Variants in STK39 observed in about 807,000 individuals in gnomAD.
The protein encoded by STK39 is serine/threonine kinase 39.
A neutral mutation model predicts 77.8 loss-of-function variants in STK39; 20 were observed. That is an observed-to-expected ratio of 0.26 (90% CI 0.18 to 0.37). The LOEUF is 0.37. STK39 is among the 10% of genes least tolerant of loss of function. STK39 has a pLI of 1.00. For missense variants in STK39, 479 were observed against 656.5 expected, an observed-to-expected ratio of 0.73 and a Z score of 2.95; for synonymous variants, 246 against 234.1, an observed-to-expected ratio of 1.05 and a Z score of -0.47.
chr2:168,166,916 C>T (rs1174365572), intron 3 of STK39, among the ~76,000 whole-genome samples: 4 of 151,968 alleles, frequency 2.6e-5, no homozygotes, highest in South Asian at 2.1e-4. Context: ...GAAGAGTAAG[C>T]GGTGACTGTG....
intron 16 of STK39, among the ~76,000 whole-genome samples, chr2:167,973,208 A>T (rs1692399100): frequency 2.0e-5 from 3 of 152,210 alleles, no homozygotes; most frequent in Admixed American, 2.0e-4. Context: ...TCTTTGGGAA[A>T]TAAAAACAGC....
In STK39 at chr2:168,116,020, C is replaced by A. The variant is rs140976065; in HGVS notation, c.1089+13521G>T. On this transcript the variant is annotated intron_variant, in intron 10 of 17. Transcript: ENST00000355999. ...GGAGCTCAGCTGCCACTCAAGGTTACCCCATGAGTGGGTCGTAGAGCCAGG... is the reference window on the plus strand; with the variant it reads ...GGAGCTCAGCTGCCACTCAAGGTTAACCCATGAGTGGGTCGTAGAGCCAGG... Among the ~76,000 whole-genome samples the A allele has an allele frequency of 8.7e-3, 1,320 of 152,306 alleles. 12 individuals are homozygous for A. The highest frequency in any genetic ancestry group is 0.044 in the Middle Eastern group (13 of 294).
intron 8 of STK39, among the ~76,000 whole-genome samples, chr2:168,130,845 G>T (rs1687677188): frequency 6.6e-6 from 1 of 152,202 alleles, no homozygotes; most frequent in African/African-American, 2.4e-5. Flanking sequence ...GTATAGGGTT[G>T]CTCAGCAAGA....
At chr2:167,963,971 A>G (rs999961610) in intron 17 of STK39, among the ~76,000 whole-genome samples, 1 of 152,314 alleles carries the variant, frequency 6.6e-6, no homozygotes, top group Admixed American at 6.5e-5. Flanking sequence ...CTGTTCGCTA[A>G]AATTTTTTGG....
At chr2:168,246,391 T>C (rs1480573628) in intron 1 of STK39, among the ~76,000 whole-genome samples, 1 of 151,962 alleles carries the variant, frequency 6.6e-6, no homozygotes, top group East Asian at 1.9e-4. Context: ...TAAGATAAGG[T>C]GATATTTGTG....
intron 1 of STK39, among the ~76,000 whole-genome samples, chr2:168,236,692 T>C (rs1193921431): frequency 2.6e-5 from 4 of 152,236 alleles, no homozygotes; most frequent in African/African-American, 9.6e-5. Context: ...CCAGTACCAT[T>C]TATTAAATAG....
intron 14 of STK39, among the ~76,000 whole-genome samples, chr2:168,031,134 G>A (rs1684823250): frequency 6.6e-6 from 1 of 152,196 alleles, no homozygotes; most frequent in Non-Finnish European, 1.5e-5. Flanking sequence ...GAAGAGCGGA[G>A]TGGGTGCCTG....
In STK39 at chr2:168,147,704, A is replaced by G. The variant is rs141919154; in HGVS notation, c.629-6946T>C. ...AGTGAGAGCTAACATGGGGGAATAT[A>G]TTAACTAAAATAGAATGACTATGAC... On this transcript the variant is annotated intron_variant, in intron 5 of 17. Coordinates refer to ENST00000355999, the MANE Select transcript of STK39 (RefSeq NM_013233.3). 6.8e-3 allele frequency among the ~76,000 whole-genome samples: 1,035 copies of G among 152,286 alleles called. 14 individuals are homozygous for G. Among genetic ancestry groups the G allele is most frequent in the South Asian group, 0.036 (175 of 4,816 alleles).
At chr2:168,150,219 T>G (rs1246864371) in intron 5 of STK39, among the ~76,000 whole-genome samples, 1 of 152,178 alleles carries the variant, frequency 6.6e-6, no homozygotes, top group Non-Finnish European at 1.5e-5. Context: ...CTCTTTCACC[T>G]CTCAGATGAA....
At chr2:168,083,271 A>G (rs1686286262) in intron 10 of STK39, among the ~76,000 whole-genome samples, 1 of 146,268 alleles carries the variant, frequency 6.8e-6, no homozygotes, top group Admixed American at 6.9e-5. Context: ...TGTCGATCCA[A>G]TTGGAATTTT....
chr2:168,011,479 A>G (rs1684269905), intron 16 of STK39, among the ~76,000 whole-genome samples: 1 of 152,166 alleles, frequency 6.6e-6, no homozygotes, highest in East Asian at 1.9e-4. Context: ...ATGCTAACTA[A>G]TCTTGATTAG....
chr2:167,999,584 C>T (rs1038382989), intron 16 of STK39, among the ~76,000 whole-genome samples: 2 of 152,044 alleles, frequency 1.3e-5, no homozygotes, highest in Non-Finnish European at 2.9e-5. Context: ...GACTCAGCCT[C>T]CCGAGTAGCT....
intron 10 of STK39, among the ~76,000 whole-genome samples, chr2:168,099,768 C>T (rs1686771998): frequency 1.3e-5 from 2 of 152,064 alleles, no homozygotes; most frequent in Admixed American, 6.6e-5. Flanking sequence ...TTGGCAATGC[C>T]CATGTGCAGT....
intron 16 of STK39, among the ~76,000 whole-genome samples, chr2:168,012,088 T>C (rs190272863): frequency 1.3e-4 from 20 of 152,324 alleles, no homozygotes; most frequent in African/African-American, 4.8e-4. Flanking sequence ...AAGTTCTTTG[T>C]TATATTTCCA....
chr2:168,129,572 C>T lies in STK39; in HGVS notation c.1058G>A (p.Arg353Lys), dbSNP rs1193531417. ...GGCTCTTTGGGCTATGTCTGGTGTT[C>T]TTGTAAGCAGCTTCTCAATCAGGTA... ...REYLIEKLLTRTPDIAQRAKK... is the reference protein window; with the variant it reads ...REYLIEKLLTKTPDIAQRAKK... Residue 353 changes from arginine to lysine, a missense_variant, in exon 10 of 18, where the codon AGA becomes AAA. By Grantham distance (26) the Arg-to-Lys change is conservative (BLOSUM62 2). This residue lies in a region of STK39 where 244 missense variants were observed against 296.8 expected (regional missense o/e 0.82). Coordinates refer to ENST00000355999, the MANE Select transcript of STK39 (RefSeq NM_013233.3). The T allele has an allele frequency of 1.2e-6, 2 of 1,614,044 alleles. No individual in the cohort carries two copies. Among genetic ancestry groups the T allele is most frequent in the East Asian group, 4.5e-5 (2 of 44,874 alleles).
At chr2:168,053,074 G>C (rs1487307411) in intron 14 of STK39, among the ~76,000 whole-genome samples, 1 of 152,098 alleles carries the variant, frequency 6.6e-6, no homozygotes, top group Non-Finnish European at 1.5e-5. Context: ...ATTTCACTAA[G>C]GTCAAAATTC....
chr2:168,169,676 A>C (rs1461456948), intron 2 of STK39, among the ~76,000 whole-genome samples: 1 of 132,690 alleles, frequency 7.5e-6, no homozygotes, highest in Admixed American at 7.3e-5. Context: ...CCTTTAGAAA[A>C]CCTGTAGAAC....
chr2:167,955,577 A>G lies in STK39; in HGVS notation c.1564-7T>C, dbSNP rs1414489915. 6.2e-7 allele frequency: 1 copy of G among 1,612,728 alleles called. No individual in the cohort carries two copies. The highest frequency in any genetic ancestry group is 1.7e-4 in the Middle Eastern group (1 of 6,060). On this transcript the variant is annotated splice_polypyrimidine_tract_variant and splice_region_variant and intron_variant, in intron 17 of 17. Transcript: ENST00000355999. ...ACCCATCACAGCCAGAAGCCTGAAAAGGGAAAAAGAAAGCCTCAATGCTGG... is the reference window on the plus strand; with the variant it reads ...ACCCATCACAGCCAGAAGCCTGAAAGGGGAAAAAGAAAGCCTCAATGCTGG...
chr2:168,121,534 A>C (rs1334688372), intron 10 of STK39, among the ~76,000 whole-genome samples: 1 of 152,192 alleles, frequency 6.6e-6, no homozygotes, highest in African/African-American at 2.4e-5. Flanking sequence ...TGAATAGGCA[A>C]TGGCAATGAA....
Sources: gnomAD v4.1 joint callset for allele counts (sites outside exome capture counted in the v4.1 genomes callset) on GRCh38, gnomAD v4.1.1 for gene constraint, gnomAD v4.1.1 regional missense constraint, MANE v1.5 for transcripts, NCBI Gene and HGNC (gene_info 2026-07-23, HGNC 2026-07-21) for gene names.